STK3: variants seen among roughly 807,000 people sequenced by gnomAD.
STK3 encodes the protein serine/threonine-protein kinase 3.
In STK3, 41 loss-of-function variants were observed where a neutral mutation model predicts 58.0. The ratio of observed to expected loss-of-function variants is 0.71; its 90% confidence interval spans 0.55 to 0.92. The LOEUF (loss-of-function observed/expected upper bound fraction) is 0.92, where lower values mean the gene tolerates loss of function less well. Ranked by LOEUF, STK3 falls within the 40% of genes least tolerant of loss-of-function variation. The probability of loss-of-function intolerance (pLI) is 0.00; values close to 1 mark genes in which losing one functional copy is unlikely to be tolerated. For missense variants in STK3, 479 were observed against 602.7 expected (o/e 0.79, Z 2.15); for synonymous variants, 170 against 191.0 (o/e 0.89, Z 0.91).
chr8:98,447,545 A>G (rs1819003548), intron 1 of STK3, among the ~76,000 whole-genome samples: 1 of 148,392 alleles, frequency 6.7e-6, no homozygotes, highest in Non-Finnish European at 1.5e-5. Context: ...TATTGCATAT[A>G]TACTATATAT....
At chr8:98,751,759 G>C (rs78528299) in intron 3 of STK3, among the ~76,000 whole-genome samples, 1 of 152,104 alleles carries the variant, frequency 6.6e-6, no homozygotes, top group African/African-American at 2.4e-5. Flanking sequence ...GGCCAACACG[G>C]TGAAACCCCC....
chr8:98,539,485 G>A (rs1024871896), intron 9 of STK3, among the ~76,000 whole-genome samples: 14 of 151,954 alleles, frequency 9.2e-5, no homozygotes, highest in Admixed American at 2.6e-4. Flanking sequence ...ATCTAGTATC[G>A]TTTCCAGAGT....
chr8:98,931,629 T>C (rs1229109709), intron 1 of STK3, among the ~76,000 whole-genome samples: 1 of 152,330 alleles, frequency 6.6e-6, no homozygotes, highest in East Asian at 1.9e-4. Context: ...CACTGGCTTT[T>C]GATAACAGCC....
At chr8:98,360,939 T>G in the STK3 span, among the ~76,000 whole-genome samples, 14,825 of 152,058 alleles carry the variant, frequency 0.097, 863 homozygotes, top group East Asian at 0.19. Flanking sequence ...GGTGTCAGAG[T>G]GTCCCTAAAC....
At chr8:98,520,226 T>C (rs2131448536) in intron 10 of STK3, among the ~76,000 whole-genome samples, 1 of 152,316 alleles carries the variant, frequency 6.6e-6, no homozygotes, top group South Asian at 2.1e-4. Context: ...ATAACTTTTT[T>C]CCGGTAGGGT....
chr8:98,410,963 C>T (rs926852847), intron 3 of STK3, among the ~76,000 whole-genome samples: 5 of 152,176 alleles, frequency 3.3e-5, no homozygotes, highest in African/African-American at 1.2e-4. Context: ...AACAACATGT[C>T]CTTATTGCAA....
intron 8 of STK3, among the ~76,000 whole-genome samples, chr8:98,566,486 C>A (rs541172518): frequency 6.6e-6 from 1 of 152,020 alleles, no homozygotes. Context: ...ACACAATAGA[C>A]CCAAGTATCA....
intron 1 of STK3, chr8:98,438,629 G>A (rs185638686): frequency 6.5e-4 from 99 of 152,312 alleles, no homozygotes; most frequent in Non-Finnish European, 1.3e-3. Context: ...GGTTTGACAT[G>A]TCACTGAGAG....
At chr8:98,662,270 G>C (rs1049482936) in intron 6 of STK3, among the ~76,000 whole-genome samples, 4 of 151,966 alleles carry the variant, frequency 2.6e-5, no homozygotes, top group Admixed American at 1.3e-4. Flanking sequence ...TAAGTAAATC[G>C]ATATACTAAT....
intron 6 of STK3, among the ~76,000 whole-genome samples, chr8:98,635,490 A>C (rs1819550804): frequency 6.6e-6 from 1 of 152,192 alleles, no homozygotes; most frequent in African/African-American, 2.4e-5. Flanking sequence ...AATGGAACCC[A>C]GGCAGTCTAG....
In STK3 at chr8:98,749,166, CTTT is replaced by C. The variant is rs1374961458; in HGVS notation, c.351+107_351+109del. The C allele has an allele frequency of 3.8e-6, 3 of 787,586 alleles. No individual in the cohort carries two copies. The African/African-American group carries it at 5.3e-5, about 14-fold the overall frequency. The allele number at this position is 787,586 out of a possible 1,614,324, so 48.8% of individuals were successfully genotyped here. A position where few individuals can be genotyped will look rare whatever the true frequency, so the allele number is the denominator to read the frequency against. On this transcript the variant is annotated intron_variant, in intron 4 of 10. Transcript: ENST00000419617. The stretch of plus-strand genomic sequence containing the variant: ...TAGATATCTTTACACCACTTAAAAC[CTTT>C]TCTTTTTTCATGCTATTATTTTCTG...
At position 98,490,824 on chromosome 8, in the gene STK3, G is replaced by A. The variant is rs555727640; in HGVS notation, c.1318-34824C>T. Among the ~76,000 whole-genome samples the A allele has an allele frequency of 7.9e-5, 12 of 152,186 alleles. 1 individual carries two copies. The South Asian group carries it at 1.0e-3, about 13-fold the overall frequency. On this transcript the variant is annotated intron_variant, in intron 10 of 10. Transcript: ENST00000419617. ...AAAAGCTTCTTAGATGATTTCTGAC[G>A]GCCCACAGGTTTGAGAACCACTAGT...
chr8:98,466,563 G>A (rs971072800), intron 10 of STK3, among the ~76,000 whole-genome samples: 2 of 152,092 alleles, frequency 1.3e-5, no homozygotes, highest in Non-Finnish European at 2.9e-5. Context: ...GAACCTTCTC[G>A]CCGTCTCTTT....
At chr8:98,858,571 G>A (rs564741216) in intron 3 of STK3, among the ~76,000 whole-genome samples, 2 of 151,300 alleles carry the variant, frequency 1.3e-5, no homozygotes, top group South Asian at 2.1e-4. Context: ...CTGGCTGAAG[G>A]GATAGTGGGA....
intron 1 of STK3, among the ~76,000 whole-genome samples, chr8:98,791,521 T>C (rs1331366988): frequency 1.3e-5 from 2 of 152,188 alleles, no homozygotes; most frequent in Non-Finnish European, 2.9e-5. Context: ...AAAGCAAGAC[T>C]AAGCAAAAAG....
chr8:98,465,357 C>CA lies in STK3; in HGVS notation c.1318-9358dup, dbSNP rs200494699. On this transcript the variant is annotated intron_variant, in intron 10 of 10. Transcript: ENST00000419617. ...TTTCCCATGAACTACAAAAGCACTACAAAATCCAATGATCATGTGAAACAG... is the reference window on the plus strand; with the variant it reads ...TTTCCCATGAACTACAAAAGCACTACAAAAATCCAATGATCATGTGAAACAG... 5.9e-4 allele frequency among the ~76,000 whole-genome samples: 90 copies of CA among 152,244 alleles called. 1 individual carries two copies. The East Asian group carries it at 0.012, about 20-fold the overall frequency.
intron 1 of STK3, among the ~76,000 whole-genome samples, chr8:98,803,093 C>A (rs1337608441): frequency 1.3e-5 from 2 of 152,190 alleles, no homozygotes; most frequent in African/African-American, 4.8e-5. Flanking sequence ...GCTTTTGTTT[C>A]ATACGGTTTC....
rs368176923 is a variant in STK3, at chr8:98,903,834, G to A, written c.-78-20000C>T. On this transcript the variant is annotated intron_variant, in intron 1 of 1. Coordinates refer to the STK3 transcript ENST00000519420. The stretch of plus-strand genomic sequence containing the variant: ...TTACTGCAGCTTTCATTCAAAATAC[G>A]TTTTTTATCATCTGTCACACAGGAA... 3.3e-5 allele frequency among the ~76,000 whole-genome samples: 5 copies of A among 152,022 alleles called. No homozygotes were observed. The South Asian group carries it at 6.2e-4, about 19-fold the overall frequency.
intron 7 of STK3, among the ~76,000 whole-genome samples, chr8:98,584,931 C>A (rs1272119782): frequency 6.6e-6 from 1 of 151,374 alleles, no homozygotes; most frequent in African/African-American, 2.4e-5. Context: ...CCTTCGCCCA[C>A]TTTTTGATGG....
Sources: gnomAD v4.1 joint callset for allele counts (sites outside exome capture counted in the v4.1 genomes callset) on GRCh38, gnomAD v4.1.1 for gene constraint, MANE v1.5 for transcripts, NCBI Gene and HGNC (gene_info 2026-07-23, HGNC 2026-07-21) for gene names.